Variants in NRG3 observed in about 807,000 individuals in gnomAD.
NRG3 encodes neuregulin 3, also known as pro-neuregulin-3, membrane-bound isoform.
Under a neutral mutation model 66.9 loss-of-function variants are expected in NRG3, and 31 were observed. That is an observed-to-expected ratio of 0.46 (90% CI 0.35 to 0.63). The LOEUF (loss-of-function observed/expected upper bound fraction) is 0.63, where lower values mean the gene tolerates loss of function less well. Among genes scored for constraint, NRG3 ranks in the 20% least tolerant of loss-of-function variants. The pLI is 0.00. For synonymous variants in NRG3, 393 were observed against 359.4 expected, an observed-to-expected ratio of 1.09 and a Z score of -1.06; for missense variants, 910 against 878.9, an observed-to-expected ratio of 1.04 and a Z score of -0.45.
chr10:82,687,108 C>A (rs932758468), intron 2 of NRG3, among the ~76,000 whole-genome samples: 1 of 152,186 alleles, frequency 6.6e-6, no homozygotes, highest in Non-Finnish European at 1.5e-5. Context: ...TTAGGTCAAT[C>A]AAAACATTTG....
At chr10:82,830,919 G>T (rs1432283567) in intron 3 of NRG3, among the ~76,000 whole-genome samples, 1 of 152,154 alleles carries the variant, frequency 6.6e-6, no homozygotes, top group East Asian at 1.9e-4. Context: ...CAAATAGGCA[G>T]GTCCCTGGGC....
intron 1 of NRG3, among the ~76,000 whole-genome samples, chr10:82,204,162 T>C (rs1413840251): frequency 5.3e-5 from 8 of 152,272 alleles, no homozygotes; most frequent in African/African-American, 1.9e-4. Context: ...ACCCACATAT[T>C]AACAGGAGCT....
In NRG3 at chr10:82,173,953, A is replaced by G. The variant is rs1474684236; in HGVS notation, c.824-184786A>G. 2.6e-5 allele frequency among the ~76,000 whole-genome samples: 4 copies of G among 152,248 alleles called. No individual in the cohort carries two copies. In the East Asian group the frequency reaches 5.8e-4, roughly 22 times the overall value. ...CTCCTTCGTCCGTTATATTTGGTCT[A>G]CTTTGAAGTGTAATTCATTTCAAAT... On this transcript the variant is annotated intron_variant, in intron 1 of 8. Coordinates refer to ENST00000372141, the MANE Select transcript of NRG3 (RefSeq NM_001010848.4).
chr10:81,979,057 C>T (rs947717482), intron 1 of NRG3, among the ~76,000 whole-genome samples: 6 of 151,954 alleles, frequency 3.9e-5, no homozygotes, highest in South Asian at 2.1e-4. Flanking sequence ...GGCGTAGTGG[C>T]GCACGCCTGT....
At chr10:81,980,757 A>G (rs1305597292) in intron 1 of NRG3, among the ~76,000 whole-genome samples, 1 of 152,236 alleles carries the variant, frequency 6.6e-6, no homozygotes, top group Non-Finnish European at 1.5e-5. Flanking sequence ...GAAGTTCAAG[A>G]GCAAGTTGTT....
intron 4 of NRG3, among the ~76,000 whole-genome samples, chr10:82,926,719 T>C (rs1847035496): frequency 6.6e-6 from 1 of 152,198 alleles, no homozygotes; most frequent in Non-Finnish European, 1.5e-5. Context: ...AAGAGCAAAA[T>C]AAGTAATTAA....
At chr10:82,332,625 G>T (rs1306786343) in intron 1 of NRG3, among the ~76,000 whole-genome samples, 2 of 152,086 alleles carry the variant, frequency 1.3e-5, no homozygotes, top group Non-Finnish European at 2.9e-5. Context: ...CTAGGCTTTG[G>T]TGAAATTCCT....
chr10:82,290,695 C>T (rs529267187), intron 1 of NRG3, among the ~76,000 whole-genome samples: 24 of 151,360 alleles, frequency 1.6e-4, no homozygotes, highest in African/African-American at 4.4e-4. Flanking sequence ...AGTGCAGTGG[C>T]GCGATCTCGG....
At chr10:82,639,932 C>A (rs2050452801) in intron 2 of NRG3, among the ~76,000 whole-genome samples, 1 of 152,150 alleles carries the variant, frequency 6.6e-6, no homozygotes, top group Non-Finnish European at 1.5e-5. Flanking sequence ...ACCCTCCACC[C>A]TCCAATAGGC....
intron 1 of NRG3, among the ~76,000 whole-genome samples, chr10:82,106,272 A>T (rs1320638446): frequency 1.3e-5 from 2 of 152,214 alleles, no homozygotes; most frequent in Non-Finnish European, 2.9e-5. Flanking sequence ...GTTAGGCTCA[A>T]GCTGTGAAAC....
intron 1 of NRG3, among the ~76,000 whole-genome samples, chr10:82,293,883 C>G (rs1195815502): frequency 6.6e-6 from 1 of 152,010 alleles, no homozygotes; most frequent in East Asian, 1.9e-4. Context: ...TGGAATTTTT[C>G]TATGCCTCCT....
At chr10:82,974,507 A>ACACT (rs1443603142) in intron 7 of NRG3, among the ~76,000 whole-genome samples, 1 of 152,188 alleles carries the variant, frequency 6.6e-6, no homozygotes, top group Non-Finnish European at 1.5e-5. Flanking sequence ...CTTCTAGTCC[A>ACACT]CACTTTTCTG....
intron 1 of NRG3, among the ~76,000 whole-genome samples, chr10:81,975,168 G>T (rs1450300155): frequency 6.6e-6 from 1 of 152,058 alleles, no homozygotes. Context: ...CAAGGTGCCA[G>T]TATCTCTACT....
chr10:82,263,369 G>A (rs555986831), intron 1 of NRG3, among the ~76,000 whole-genome samples: 1 of 152,254 alleles, frequency 6.6e-6, no homozygotes, highest in East Asian at 1.9e-4. Flanking sequence ...GAGATTTGGA[G>A]CATTTTAAAA....
At chr10:82,780,066 G>T (rs753574950) in intron 3 of NRG3, among the ~76,000 whole-genome samples, 25 of 152,158 alleles carry the variant, frequency 1.6e-4, no homozygotes, top group Non-Finnish European at 2.5e-4. Flanking sequence ...CTTTCTTATG[G>T]CTGCATAGTA....
intron 1 of NRG3, among the ~76,000 whole-genome samples, chr10:82,358,434 T>A (rs1361143099): frequency 1.3e-5 from 2 of 152,156 alleles, no homozygotes; most frequent in East Asian, 1.9e-4. Flanking sequence ...CTGAAATTAA[T>A]GAGGGTGGAT....
chr10:82,094,621 G>A (rs1329935521), intron 1 of NRG3, among the ~76,000 whole-genome samples: 1 of 152,140 alleles, frequency 6.6e-6, no homozygotes, highest in Non-Finnish European at 1.5e-5. Flanking sequence ...TAAAGAAAAT[G>A]TGATGTGTGT....
chr10:82,649,957 A>G (rs1348222145), intron 2 of NRG3, among the ~76,000 whole-genome samples: 1 of 152,130 alleles, frequency 6.6e-6, no homozygotes, highest in Middle Eastern at 3.2e-3. Context: ...TTGGCAGTGA[A>G]AGACTATCTT....
intron 2 of NRG3, among the ~76,000 whole-genome samples, chr10:82,652,695 G>C (rs1187216752): frequency 6.6e-6 from 1 of 152,148 alleles, no homozygotes; most frequent in Non-Finnish European, 1.5e-5. Flanking sequence ...TTCTCACTTT[G>C]AGCTAGTCTC....
Sources: allele counts gnomAD v4.1 joint callset (sites outside exome capture counted in the v4.1 genomes callset), GRCh38; gene constraint gnomAD v4.1.1; transcripts MANE v1.5; gene names NCBI Gene and HGNC (gene_info 2026-07-23, HGNC 2026-07-21).